The following DCLK1 variants were observed in gnomAD, a reference collection of about 807,000 sequenced individuals.
DCLK1 encodes the protein serine/threonine-protein kinase DCLK1.
A neutral mutation model predicts 86.2 loss-of-function variants in DCLK1; 16 were observed. The observed-to-expected ratio is 0.19, with a 90% CI of 0.13 to 0.28. DCLK1 has a LOEUF of 0.28. DCLK1 is among the 10% of genes least tolerant of loss of function. The pLI, the probability that DCLK1 is intolerant of heterozygous loss-of-function variation, is 1.00. For missense variants in DCLK1, 590 were observed against 940.2 expected (o/e 0.63, Z 4.87); for synonymous variants, 369 against 370.5 (o/e 1.00, Z 0.05).
chr13:35,956,734 AC>A (rs1878006590), intron 3 of DCLK1, among the ~76,000 whole-genome samples: 3 of 152,204 alleles, frequency 2.0e-5, no homozygotes, highest in South Asian at 4.1e-4. Context: ...AACAAAAAAA[AC>A]ATCATCAGTG....
At chr13:35,827,840 G>C in intron 9 of DCLK1, 86 bp from the exon 10 acceptor site, 1 of 1,499,332 alleles carries the variant, frequency 6.7e-7, no homozygotes, top group Non-Finnish European at 9.0e-7. Context: ...CTATGTAAGG[G>C]TCAAGAGAGA....
rs531887514 is a variant in DCLK1 at position 36,091,386 on chromosome 13, A to C, written c.723+20483T>G. On this transcript the variant is annotated intron_variant, in intron 3 of 16. Transcript: ENST00000360631. ...AAATAAAAAAATTTAAAAAATAATA[A>C]ATTTTAAAAAATGCTCATCTTCTGG... Among the ~76,000 whole-genome samples, 3 of 152,282 alleles carry C rather than the reference A, an allele frequency of 2.0e-5. No individual in the cohort carries two copies. The South Asian group carries it at 6.2e-4, about 32-fold the overall frequency.
chr13:36,095,886 T>C (rs1209586947), intron 3 of DCLK1, among the ~76,000 whole-genome samples: 2 of 152,232 alleles, frequency 1.3e-5, no homozygotes, highest in Non-Finnish European at 2.9e-5. Flanking sequence ...AAAGAATTTT[T>C]CCATTTCATT....
At chr13:36,013,775 T>G (rs1242203102) in intron 3 of DCLK1, among the ~76,000 whole-genome samples, 1 of 152,246 alleles carries the variant, frequency 6.6e-6, no homozygotes, top group Non-Finnish European at 1.5e-5. Flanking sequence ...GCTTCCTGGC[T>G]GCTTTGTTTA....
chr13:36,082,572 A>G (rs1884456828), intron 3 of DCLK1, among the ~76,000 whole-genome samples: 1 of 152,158 alleles, frequency 6.6e-6, no homozygotes, highest in South Asian at 2.1e-4. Context: ...AAAGAGTTGG[A>G]TGGATGAGTC....
intron 3 of DCLK1, among the ~76,000 whole-genome samples, chr13:36,027,361 T>C (rs1882088305): frequency 6.6e-6 from 1 of 152,258 alleles, no homozygotes; most frequent in Non-Finnish European, 1.5e-5. Context: ...GCTCATGCAG[T>C]AATGCTTCCT....
At chr13:35,820,156 C>G (rs1202228385) in intron 11 of DCLK1, among the ~76,000 whole-genome samples, 3 of 152,118 alleles carry the variant, frequency 2.0e-5, no homozygotes, top group Non-Finnish European at 4.4e-5. Context: ...TTTGTTAAAC[C>G]AGGACAGAAT....
Position 36,055,609 on chromosome 13 carries a change from T to C in DCLK1, c.723+56260A>G, listed in dbSNP as rs113072988. Among the ~76,000 whole-genome samples, 12 of 152,306 alleles carry C rather than the reference T, an allele frequency of 7.9e-5. No individual in the cohort carries two copies. In the East Asian group the frequency reaches 2.3e-3, roughly 29 times the overall value. On this transcript the variant is annotated intron_variant, in intron 3 of 16. Transcript: ENST00000360631. ...CACCACTGTACTGCTGTTCAATTTA[T>C]TTTTCTTACTTATATTAAATATAAC...
At chr13:35,822,207 G>C (rs914246954) in intron 11 of DCLK1, among the ~76,000 whole-genome samples, 1 of 151,860 alleles carries the variant, frequency 6.6e-6, no homozygotes, top group Non-Finnish European at 1.5e-5. Flanking sequence ...CTGGAGTGCA[G>C]TAGTGTGATC....
intron 10 of DCLK1, among the ~76,000 whole-genome samples, chr13:35,826,734 T>C (rs1419501297): frequency 6.6e-6 from 1 of 152,078 alleles, no homozygotes; most frequent in East Asian, 1.9e-4. Flanking sequence ...ACTAAATGCT[T>C]TCCTCGTCTT....
At chr13:36,062,083 T>G (rs1370906031) in intron 3 of DCLK1, among the ~76,000 whole-genome samples, 1 of 152,172 alleles carries the variant, frequency 6.6e-6, no homozygotes, top group Non-Finnish European at 1.5e-5. Context: ...CATTTTAAAA[T>G]GTCACCCTTG....
intron 3 of DCLK1, among the ~76,000 whole-genome samples, chr13:36,054,448 AC>A (rs2153157799): frequency 6.6e-6 from 1 of 152,302 alleles, no homozygotes; most frequent in Non-Finnish European, 1.5e-5. Flanking sequence ...AAATCTCAGG[AC>A]CTTCACAACA....
chr13:35,907,096 G>A (rs1165927560), intron 4 of DCLK1, among the ~76,000 whole-genome samples: 1 of 152,162 alleles, frequency 6.6e-6, no homozygotes, highest in East Asian at 1.9e-4. Flanking sequence ...GAACTTGCCA[G>A]CTCCCAGAAG....
At chr13:35,874,505 AG>A in intron 4 of DCLK1, among the ~76,000 whole-genome samples, 1 of 152,226 alleles carries the variant, frequency 6.6e-6, no homozygotes, top group Non-Finnish European at 1.5e-5. Flanking sequence ...CAAAGCAAAG[AG>A]AAATGAATCA....
intron 10 of DCLK1, among the ~76,000 whole-genome samples, chr13:35,826,531 A>AGG (rs1486206038): frequency 0.023 from 856 of 37,462 alleles, 285 homozygotes; most frequent in Middle Eastern, 0.077. Flanking sequence ...CTCAAAAAAA[A>AGG]AAAAAAAAAA....
At position 35,842,406 on chromosome 13, in the gene DCLK1, C is replaced by T. The variant is rs80117636; in HGVS notation, c.1036-3230G>A. On this transcript the variant is annotated intron_variant, in intron 6 of 16. Coordinates refer to ENST00000360631, the MANE Select transcript of DCLK1 (RefSeq NM_001330071.2). Reference sequence around the variant, plus strand: ...GTGTTTGAAAATAGCTACTGGTCTCCGTCTGTGTCTTCCAAGCACTTTGGG... The same window carrying T: ...GTGTTTGAAAATAGCTACTGGTCTCTGTCTGTGTCTTCCAAGCACTTTGGG... Among the ~76,000 whole-genome samples, 453 of 151,314 alleles carry T rather than the reference C, an allele frequency of 3.0e-3. 3 individuals are homozygous for T. Among genetic ancestry groups the T allele is most frequent in the African/African-American group, 0.01 (427 of 41,226 alleles).
intron 16 of DCLK1, among the ~76,000 whole-genome samples, chr13:35,784,074 T>A (rs1009701704): frequency 6.6e-6 from 1 of 152,154 alleles, no homozygotes; most frequent in Non-Finnish European, 1.5e-5. Flanking sequence ...TGAACCTCAC[T>A]AAGGAGCATT....
chr13:35,858,007 G>A (rs568109232), intron 5 of DCLK1, among the ~76,000 whole-genome samples: 2 of 152,302 alleles, frequency 1.3e-5, no homozygotes, highest in African/African-American at 2.4e-5. Flanking sequence ...AAAGGGCAAT[G>A]AGAAGAAAAA....
intron 3 of DCLK1, among the ~76,000 whole-genome samples, chr13:36,064,033 T>C (rs1466555537): frequency 6.6e-6 from 1 of 152,114 alleles, no homozygotes; most frequent in Admixed American, 6.5e-5. Context: ...AAATGAGAAG[T>C]AATAAAGGTA....
Sources: allele counts gnomAD v4.1 joint callset (sites outside exome capture counted in the v4.1 genomes callset), GRCh38; gene constraint gnomAD v4.1.1; transcripts MANE v1.5; gene names NCBI Gene and HGNC (gene_info 2026-07-23, HGNC 2026-07-21).